Variants in SLC25A12 observed in about 807,000 individuals in gnomAD.
The protein encoded by SLC25A12 is solute carrier family 25 member 12.
In SLC25A12, 32 loss-of-function variants were observed where a neutral mutation model predicts 83.3. The observed-to-expected ratio is 0.38, with a 90% CI of 0.29 to 0.52. SLC25A12 has a LOEUF of 0.52. Ranked by LOEUF, SLC25A12 falls within the 20% of genes least tolerant of loss-of-function variation. The pLI, the probability that SLC25A12 is intolerant of heterozygous loss-of-function variation, is 0.84. For synonymous variants in SLC25A12, 267 were observed against 291.1 expected (o/e 0.92, Z 0.84); for missense variants, 611 against 835.6 (o/e 0.73, Z 3.31).
Position 171,813,453 on chromosome 2 carries a change from G to A in SLC25A12, c.1057C>T (p.Arg353Ter), listed in dbSNP as rs575028555. The A allele has an allele frequency of 2.5e-6, 4 of 1,613,980 alleles. No homozygotes were observed. The highest frequency in any genetic ancestry group is 2.2e-5 in the East Asian group (1 of 44,874). Residue 353 changes from arginine to a stop codon, truncating the protein, a stop_gained, in exon 11 of 18, where the codon CGA (arginine) becomes TGA (stop). Transcript: ENST00000422440. LOFTEE classifies it high-confidence loss of function. ...CCAGAGCCACGCTGGTTTTGCATTC[G>A]GGTCTTCACCAGATCTATAGGATAC... ...AVYPIDLVKT[R>*]MQNQRGSGSV... is the part of the protein sequence containing the mutation.
At chr2:171,793,542 A>G (rs1023131609) in intron 14 of SLC25A12, 85 bp downstream of exon 14, 2 of 1,379,110 alleles carry the variant, frequency 1.5e-6, no homozygotes, top group Non-Finnish European at 2.1e-6. Flanking sequence ...GCTGGACAAG[A>G]TTGCTTTTCA....
chr2:171,844,918 G>T (rs1273865087), intron 4 of SLC25A12, among the ~76,000 whole-genome samples: 1 of 152,054 alleles, frequency 6.6e-6, no homozygotes, highest in East Asian at 1.9e-4. Context: ...TGCAATATTT[G>T]TCATACTAAG....
intron 4 of SLC25A12, among the ~76,000 whole-genome samples, chr2:171,851,344 C>A (rs1379299253): frequency 6.6e-6 from 1 of 151,932 alleles, no homozygotes; most frequent in African/African-American, 2.4e-5. Context: ...CAGGTGCCCA[C>A]CACGCCCGGC....
intron 4 of SLC25A12, among the ~76,000 whole-genome samples, chr2:171,854,438 A>C (rs1398208942): frequency 6.6e-6 from 1 of 152,108 alleles, no homozygotes; most frequent in Non-Finnish European, 1.5e-5. Context: ...ATGGTGGCGC[A>C]TGCCTGTAAT....
At chr2:171,862,104 G>T (rs181403518) in intron 3 of SLC25A12, among the ~76,000 whole-genome samples, 11 of 152,182 alleles carry the variant, frequency 7.2e-5, no homozygotes, top group South Asian at 2.1e-4. Flanking sequence ...TGCATAAAAG[G>T]TTCCTCTATA....
chr2:171,802,533 T>C (rs1328162710), intron 13 of SLC25A12, among the ~76,000 whole-genome samples: 2 of 152,262 alleles, frequency 1.3e-5, no homozygotes, highest in South Asian at 4.2e-4. Flanking sequence ...TCCCAGCACT[T>C]TGGGAGGCTG....
intron 15 of SLC25A12, among the ~76,000 whole-genome samples, chr2:171,790,937 G>T (rs1383676049): frequency 1.3e-5 from 2 of 152,124 alleles, no homozygotes; most frequent in African/African-American, 4.8e-5. Context: ...GGTTTGCTGA[G>T]GGGTACTGCT....
At chr2:171,893,063 G>C in intron 2 of SLC25A12, 142 bp downstream of exon 2, 2 of 613,080 alleles carry the variant, frequency 3.3e-6, no homozygotes. Context: ...CTTATTAAGA[G>C]AAGTATAAGC....
At chr2:171,790,784 C>A (rs1014625530) in intron 15 of SLC25A12, among the ~76,000 whole-genome samples, 1 of 151,964 alleles carries the variant, frequency 6.6e-6, no homozygotes, top group East Asian at 1.9e-4. Context: ...CTCGGCTCAC[C>A]GCAGCCTTGA....
chr2:171,885,663 C>T (rs963120493), intron 2 of SLC25A12, among the ~76,000 whole-genome samples: 1 of 125,550 alleles, frequency 8.0e-6, no homozygotes, highest in Admixed American at 8.9e-5. Context: ...CACAGTAAAA[C>T]TCTGTCTCAA....
chr2:171,862,005 G>A (rs1054354600), intron 3 of SLC25A12, among the ~76,000 whole-genome samples: 1 of 151,940 alleles, frequency 6.6e-6, no homozygotes, highest in East Asian at 1.9e-4. Context: ...AATTTTCTAC[G>A]AAGCCCCTTT....
chr2:171,852,835 G>A, intron 4 of SLC25A12: 2 of 295,154 alleles, frequency 6.8e-6, no homozygotes. Flanking sequence ...AAATATGAAA[G>A]GAAACTTTCT....
At chr2:171,809,538 T>C (rs1055836976) in intron 13 of SLC25A12, 68 bp downstream of exon 13, 1 of 1,141,332 alleles carries the variant, frequency 8.8e-7, no homozygotes, top group African/African-American at 1.5e-5. Flanking sequence ...CTAAGATATC[T>C]ATTATATCTG....
At chr2:171,862,605 A>G (rs1685187011) in intron 3 of SLC25A12, among the ~76,000 whole-genome samples, 1 of 152,202 alleles carries the variant, frequency 6.6e-6, no homozygotes, top group Non-Finnish European at 1.5e-5. Flanking sequence ...TGCAGAGCAC[A>G]AAAGAGCGTG....
intron 13 of SLC25A12, among the ~76,000 whole-genome samples, chr2:171,794,667 G>A (rs995142668): frequency 6.6e-6 from 1 of 151,278 alleles, no homozygotes; most frequent in African/African-American, 2.4e-5. Flanking sequence ...AAATGTGTGT[G>A]ACTATGGATA....
At chr2:171,795,476 A>G (rs1683578864) in intron 13 of SLC25A12, among the ~76,000 whole-genome samples, 1 of 152,236 alleles carries the variant, frequency 6.6e-6, no homozygotes, top group Non-Finnish European at 1.5e-5. Flanking sequence ...GACCAAATCA[A>G]TTGAAAAAGT....
chr2:171,787,344 T>G (rs566689042), intron 17 of SLC25A12, among the ~76,000 whole-genome samples: 1 of 152,244 alleles, frequency 6.6e-6, no homozygotes, highest in Non-Finnish European at 1.5e-5. Context: ...ATTTGCTGCT[T>G]CCCTAAAATC....
At chr2:171,812,237 A>T (rs1683960519) in intron 11 of SLC25A12, among the ~76,000 whole-genome samples, 1 of 152,094 alleles carries the variant, frequency 6.6e-6, no homozygotes, top group Admixed American at 6.5e-5. Flanking sequence ...CCTCTACTTC[A>T]ATTATGAGTT....
rs1690513297 is a variant in SLC25A12, at chr2:171,787,643, G to C, written c.1763C>G (p.Ser588Cys). ...GACCAAGGTAACACCAAACTGGGGA[G>C]AGGATCGAAACACTCGAGCTGAAAA... The part of the protein sequence containing the change: ...KGTAARVFRS[S>C]PQFGVTLVTY... The change falls in exon 17 of 18, where the codon TCT becomes TGT. Residue 588 changes from serine to cysteine, a missense_variant. Physicochemically the swap from Ser to Cys is moderately radical, Grantham distance 112 (BLOSUM62 -1). Transcript: ENST00000422440. 1 of 1,614,154 alleles carries C rather than the reference G, an allele frequency of 6.2e-7. No homozygotes were observed. The highest frequency in any genetic ancestry group is 8.5e-7 in the Non-Finnish European group (1 of 1,179,998).
Sources: allele counts gnomAD v4.1 joint callset (sites outside exome capture counted in the v4.1 genomes callset), GRCh38; gene constraint gnomAD v4.1.1; transcripts MANE v1.5; gene names NCBI Gene and HGNC (gene_info 2026-07-23, HGNC 2026-07-21).